Variants in MTRR observed in about 807,000 individuals in gnomAD.
MTRR encodes the protein 5-methyltetrahydrofolate-homocysteine methyltransferase reductase.
MTRR carries 63 observed loss-of-function variants against 79.2 expected under a neutral mutation model. The ratio of observed to expected loss-of-function variants is 0.80; its 90% CI spans 0.65 to 0.98. The LOEUF (loss-of-function observed/expected upper bound fraction) is 0.98. Among genes scored for constraint, MTRR ranks in the 50% least tolerant of loss-of-function variants. The probability of loss-of-function intolerance (pLI) is 0.00; values close to 1 mark genes in which losing one functional copy is unlikely to be tolerated. For missense variants in MTRR, 895 were observed against 839.6 expected, an observed-to-expected ratio of 1.07 and a Z score of -0.82; for synonymous variants, 355 against 313.3, an observed-to-expected ratio of 1.13 and a Z score of -1.41.
Position 7,883,263 on chromosome 5 carries a change from G to A in MTRR, c.889G>A (p.Glu297Lys), listed in dbSNP as rs750478327. The stretch of plus-strand genomic sequence containing the variant: ...TGCCATAAAAACCACTCTGCTGGTA[G>A]AATTGGACATTTCAGTAAGTTGCAA... ...NDAIKTTLLV[E>K]LDISNTDFSY... Residue 297 changes from glutamate (E) to lysine (K), a missense_variant, in exon 6 of 15, where the codon GAA (glutamate) becomes AAA (lysine). Glu to Lys is a moderately conservative substitution (Grantham distance 56). Coordinates refer to ENST00000440940, the MANE Select transcript of MTRR (RefSeq NM_002454.3). The A allele has an allele frequency of 2.5e-6, 4 of 1,614,226 alleles. No individual in the cohort carries two copies. Among genetic ancestry groups the A allele is most frequent in the Non-Finnish European group, 3.4e-6 (4 of 1,180,036 alleles).
upstream of MTRR, among the ~76,000 whole-genome samples, chr5:7,868,804 C>T (rs137971893): frequency 2.0e-5 from 3 of 152,198 alleles, no homozygotes; most frequent in African/African-American, 4.8e-5. Flanking sequence ...ACGGGAGGCC[C>T]CGCGGCGCGT....
At chr5:7,888,091 A>AATAATGATGTAATT (rs1736931099) in intron 8 of MTRR, among the ~76,000 whole-genome samples, 1 of 151,978 alleles carries the variant, frequency 6.6e-6, no homozygotes, top group East Asian at 1.9e-4. Flanking sequence ...AATTATGGGC[A>AATAATGATGTAATT]ATTGAGTCAT....
intron 2 of MTRR, among the ~76,000 whole-genome samples, chr5:7,871,448 C>T (rs1343884926): frequency 6.6e-6 from 1 of 152,202 alleles, no homozygotes; most frequent in Admixed American, 6.5e-5. Context: ...AAGTTCCTAC[C>T]TTAGGGTATA....
intron 5 of MTRR, 95 bp from the exon 6 acceptor site, chr5:7,883,060 G>T (rs967390000): frequency 6.4e-7 from 1 of 1,555,958 alleles, no homozygotes; most frequent in Admixed American, 1.7e-5. Context: ...TAGCCAGGAA[G>T]TTTTGTAAGC....
At chr5:7,879,844 C>A (rs1388360474) in intron 5 of MTRR, among the ~76,000 whole-genome samples, 1 of 152,150 alleles carries the variant, frequency 6.6e-6, no homozygotes, top group African/African-American at 2.4e-5. Flanking sequence ...AGCGGCAGGA[C>A]CTGTTAACGA....
chr5:7,880,120 A>G (rs2126708386), intron 5 of MTRR, among the ~76,000 whole-genome samples: 1 of 150,672 alleles, frequency 6.6e-6, no homozygotes, highest in East Asian at 1.9e-4. Flanking sequence ...CTGGCACTGC[A>G]GGCCCTTTAA....
rs757825721 is a variant in MTRR, at chr5:7,873,407, T to C, written c.164T>C (p.Val55Ala). The change falls in exon 3 of 15, where the codon GTT (valine) becomes GCT (alanine). Residue 55 changes from valine (V) to alanine (A), a missense_variant. Coordinates refer to ENST00000440940, the MANE Select transcript of MTRR (RefSeq NM_002454.3). Reference protein sequence around the residue: ...DLKTETAPLVVVVSTTGTGDP... With the variant: ...DLKTETAPLVAVVSTTGTGDP... ...AAAACCGAAACAGCTCCTCTTGTTGTTGTGGTTTCTACCACGGGCACCGGA... is the reference window on the plus strand; with the variant it reads ...AAAACCGAAACAGCTCCTCTTGTTGCTGTGGTTTCTACCACGGGCACCGGA... 6.2e-7 allele frequency: 1 copy of C among 1,614,238 alleles called. No homozygotes were observed. Among genetic ancestry groups the C allele is most frequent in the Non-Finnish European group, 8.5e-7 (1 of 1,180,034 alleles).
intron 2 of MTRR, chr5:7,872,405 A>T: frequency 3.2e-6 from 1 of 310,392 alleles, no homozygotes; most frequent in Non-Finnish European, 6.3e-6. Flanking sequence ...CTTATAGCTA[A>T]TGATATTCTC....
At chr5:7,886,741 A>C in intron 8 of MTRR, 38 bp downstream of exon 8, 1 of 1,482,416 alleles carries the variant, frequency 6.7e-7, no homozygotes, top group Non-Finnish European at 9.4e-7. Flanking sequence ...CTATTTTAAA[A>C]TATGCTTAGC....
At chr5:7,884,515 ATTGT>A (rs1736098781) in intron 6 of MTRR, among the ~76,000 whole-genome samples, 1 of 151,978 alleles carries the variant, frequency 6.6e-6, no homozygotes, top group Non-Finnish European at 1.5e-5. Context: ...GTTATTTTTT[ATTGT>A]TTTTTTCCGT....
At chr5:7,873,208 T>A (rs1748301402) in intron 2 of MTRR, among the ~76,000 whole-genome samples, 165 bp from the exon 3 acceptor site, 2 of 152,154 alleles carry the variant, frequency 1.3e-5, no homozygotes, top group Non-Finnish European at 2.9e-5. Context: ...TTAGGCAAAT[T>A]GATTAAGCTG....
intron 3 of MTRR, among the ~76,000 whole-genome samples, chr5:7,874,694 G>T (rs928188864): frequency 1.3e-5 from 2 of 150,536 alleles, no homozygotes; most frequent in Non-Finnish European, 2.9e-5. Flanking sequence ...TATATGGCTG[G>T]TGTACCTTTC....
At chr5:7,865,344 T>C (rs1318599713), upstream of MTRR, among the ~76,000 whole-genome samples, 1 of 152,058 alleles carries the variant, frequency 6.6e-6, no homozygotes, top group Non-Finnish European at 1.5e-5. Context: ...CAGAGTCAAG[T>C]AGAGAGAAGC....
At chr5:7,870,969 T>A (rs1010382469) in intron 2 of MTRR, 46 bp downstream of exon 2, 1 of 1,613,048 alleles carries the variant, frequency 6.2e-7, no homozygotes, top group Non-Finnish European at 8.5e-7. Context: ...CTTTGAAGAA[T>A]TTTGGTTGGG....
At chr5:7,889,900 A>G (rs1034147360) in intron 9 of MTRR, among the ~76,000 whole-genome samples, 14 of 152,060 alleles carry the variant, frequency 9.2e-5, no homozygotes, top group Non-Finnish European at 1.3e-4. Flanking sequence ...TTTTGCCCAG[A>G]GTGACTCTTC....
intron 1 of MTRR, 176 bp downstream of exon 1, chr5:7,869,391 CTTTGGCT>C: frequency 1.5e-6 from 1 of 670,902 alleles, no homozygotes; most frequent in Non-Finnish European, 2.5e-6. Flanking sequence ...GGCCTTTGGC[CTTTGGCT>C]TTGGTGTCCC....
At chr5:7,888,976 G>C in intron 8 of MTRR, 119 bp from the exon 9 acceptor site, 1 of 1,138,386 alleles carries the variant, frequency 8.8e-7, no homozygotes, top group Admixed American at 1.9e-5. Flanking sequence ...ATAGCTCCTA[G>C]TGGCTTTCTC....
chr5:7,876,173 G>A (rs919080455), intron 4 of MTRR, among the ~76,000 whole-genome samples: 4 of 6,314 alleles, frequency 6.3e-4, no homozygotes, highest in Non-Finnish European at 9.9e-4. Context: ...CTGTATTTCT[G>A]CTGAACTCAC....
chr5:7,861,066 A>G (rs2126591735), intron 1 of MTRR: 3 of 811,476 alleles, frequency 3.7e-6, no homozygotes, highest in Middle Eastern at 2.4e-4. Context: ...TGTGCCTCAG[A>G]TTACTTTTTA....
Sources: allele counts gnomAD v4.1 joint callset (sites outside exome capture counted in the v4.1 genomes callset), GRCh38; gene constraint gnomAD v4.1.1; transcripts MANE v1.5; gene names NCBI Gene and HGNC (gene_info 2026-07-23, HGNC 2026-07-21).